Variants in GRIA2 observed in about 807,000 individuals in gnomAD.
The protein encoded by GRIA2 is glutamate receptor 2.
GRIA2 carries 14 observed loss-of-function variants against 97.3 expected under a neutral mutation model. The observed-to-expected ratio is 0.14, with a 90% CI of 0.10 to 0.23. The LOEUF is 0.23. GRIA2 is among the 10% of genes least tolerant of loss of function. The pLI is 1.00. For missense variants in GRIA2, 558 were observed against 1,069.8 expected, an observed-to-expected ratio of 0.52 and a Z score of 6.67; for synonymous variants, 412 against 387.8, an observed-to-expected ratio of 1.06 and a Z score of -0.73.
chr4:157,324,008 G>T (rs1734699819), intron 6 of GRIA2, among the ~76,000 whole-genome samples: 1 of 152,128 alleles, frequency 6.6e-6, no homozygotes, highest in Non-Finnish European at 1.5e-5. Context: ...CTGGGTCCAG[G>T]ATTCTCATCT....
chr4:157,353,318 C>T (rs980985731), intron 12 of GRIA2, among the ~76,000 whole-genome samples: 3 of 151,670 alleles, frequency 2.0e-5, no homozygotes, highest in African/African-American at 4.8e-5. Flanking sequence ...CGCCATTGCA[C>T]TCCAGTCTGG....
intron 4 of GRIA2, among the ~76,000 whole-genome samples, chr4:157,314,129 T>C (rs750426694): frequency 1.3e-5 from 2 of 152,022 alleles, no homozygotes; most frequent in African/African-American, 2.4e-5. Context: ...TTCACACAGT[T>C]CAAACCCATG....
rs1553957061 is a variant in GRIA2 at position 157,337,996 on chromosome 4, G to GTA, written c.1844+1257_1844+1258dup. 4.5e-3 allele frequency among the ~76,000 whole-genome samples: 570 copies of GTA among 126,076 alleles called. 4 individuals carry two copies. Among genetic ancestry groups the GTA allele is most frequent in the Non-Finnish European group, 6.5e-3 (395 of 61,098 alleles). The allele number at this position is 126,076 out of a possible 152,430, so 82.7% of individuals were successfully genotyped here. A position where few individuals can be genotyped will look rare whatever the true frequency, so the allele number is the denominator to read the frequency against. ...AATTTGCACAGCATGACATATGTGT[G>GTA]TATATATATGTGTATATATATATAT... On this transcript the variant is annotated intron_variant, in intron 11 of 15. Coordinates refer to ENST00000264426, the MANE Select transcript of GRIA2 (RefSeq NM_001083619.3).
chr4:157,268,153 T>G (rs1194978230), intron 2 of GRIA2, among the ~76,000 whole-genome samples: 1 of 152,052 alleles, frequency 6.6e-6, no homozygotes, highest in Non-Finnish European at 1.5e-5. Flanking sequence ...AGACAGGTCT[T>G]TAATAGTATT....
chr4:157,253,952 C>T (rs1039044122), intron 2 of GRIA2, among the ~76,000 whole-genome samples: 1 of 151,050 alleles, frequency 6.6e-6, no homozygotes, highest in African/African-American at 2.4e-5. Flanking sequence ...AAATCTTTTT[C>T]GTCAAAGAGT....
At chr4:157,239,425 C>G (rs1730398353) in intron 2 of GRIA2, among the ~76,000 whole-genome samples, 1 of 151,926 alleles carries the variant, frequency 6.6e-6, no homozygotes, top group African/African-American at 2.4e-5. Context: ...AAAATTTCCA[C>G]TAACAGAGGA....
intron 6 of GRIA2, 101 bp from the exon 7 acceptor site, chr4:157,332,718 A>C (rs904661705): frequency 2.1e-5 from 15 of 730,588 alleles, no homozygotes; most frequent in Non-Finnish European, 3.4e-5. Context: ...TTGGACTTTT[A>C]AATGGTATTG....
At chr4:157,331,210 G>C (rs950490802) in intron 6 of GRIA2, among the ~76,000 whole-genome samples, 1 of 152,052 alleles carries the variant, frequency 6.6e-6, no homozygotes, top group East Asian at 1.9e-4. Flanking sequence ...CTCTTAATGT[G>C]TGCATGCTCT....
At chr4:157,342,547 T>C (rs1346401894) in intron 12 of GRIA2, 2 of 486,412 alleles carry the variant, frequency 4.1e-6, no homozygotes, top group African/African-American at 2.1e-5. Context: ...TTAGAATGAA[T>C]CTTGTAATGT....
chr4:157,361,703 A>T lies in GRIA2; in HGVS notation c.2406+579A>T. 1 of 1,267,094 alleles carries T rather than the reference A, an allele frequency of 7.9e-7. No individual in the cohort carries two copies. The highest frequency in any genetic ancestry group is 1.2e-6 in the Non-Finnish European group (1 of 866,830). The allele number at this position is 1,267,094 out of a possible 1,614,324, so 78.5% of individuals were successfully genotyped here. ...AAAAACAAAATCAAACACAAACAGC[A>T]AAATCAAACCACAAGTGTGTTAGTG... On this transcript the variant is annotated intron_variant, in intron 14 of 15. Coordinates refer to ENST00000264426, the MANE Select transcript of GRIA2 (RefSeq NM_001083619.3). The surrounding 1 kb of genome is among the most constrained non-coding windows in gnomAD (Gnocchi z 5.2).
intron 11 of GRIA2, among the ~76,000 whole-genome samples, chr4:157,337,188 T>G (rs1735323695): frequency 6.6e-6 from 1 of 152,090 alleles, no homozygotes; most frequent in Admixed American, 6.6e-5. Flanking sequence ...TTTCCCATCA[T>G]TAGTTCATGG....
chr4:157,268,391 T>A lies in GRIA2; in HGVS notation c.230-35161T>A, dbSNP rs117931486. On this transcript the variant is annotated intron_variant, in intron 2 of 15. Transcript: ENST00000264426. ...TAGAATATTAGTTCTGTGGCTTACC[T>A]AAATGTGTGTCCTTGAGCAAATTAT... Among the ~76,000 whole-genome samples the A allele has an allele frequency of 2.2e-4, 34 of 152,182 alleles. No individual in the cohort carries two copies. The East Asian group carries it at 5.8e-3, about 26-fold the overall frequency.
chr4:157,283,903 G>T (rs943631770), intron 2 of GRIA2, among the ~76,000 whole-genome samples: 1 of 151,888 alleles, frequency 6.6e-6, no homozygotes, highest in Non-Finnish European at 1.5e-5. Context: ...CAAAGGTAAA[G>T]GTTTAGAGTT....
chr4:157,308,463 T>G (rs774516080), intron 3 of GRIA2, among the ~76,000 whole-genome samples: 8 of 149,546 alleles, frequency 5.3e-5, no homozygotes, highest in Non-Finnish European at 1.2e-4. Context: ...AAGAACATAC[T>G]ATATTTTAAA....
intron 13 of GRIA2, chr4:157,360,568 A>G: frequency 5.0e-6 from 2 of 400,938 alleles, no homozygotes; most frequent in Non-Finnish European, 4.8e-6. Flanking sequence ...GAAATATGCC[A>G]CTTTTTAATT....
intron 2 of GRIA2, among the ~76,000 whole-genome samples, chr4:157,280,624 C>T (rs1439898949): frequency 2.0e-5 from 3 of 151,858 alleles, no homozygotes; most frequent in East Asian, 1.9e-4. Context: ...GGGTCTCTCT[C>T]GTGTGTGCGT....
chr4:157,345,054 CT>C (rs1274184216), intron 12 of GRIA2, among the ~76,000 whole-genome samples: 2 of 151,866 alleles, frequency 1.3e-5, no homozygotes, highest in African/African-American at 4.8e-5. Flanking sequence ...TGATGTTTTT[CT>C]TTCCGTTAAA....
In GRIA2 at chr4:157,317,734, A is replaced by G. The variant is rs766575367; in HGVS notation, c.720+23A>G. 13 of 943,330 alleles carry G rather than the reference A, an allele frequency of 1.4e-5. No individual in the cohort carries two copies. The South Asian group carries it at 1.5e-4, about 11-fold the overall frequency. The allele number at this position is 943,330 out of a possible 1,614,324, so 58.4% of individuals were successfully genotyped here. ...CTGGTAGGTGAATTAATTGGTATAT[A>G]TTATTTTACTAGATATGCTTATTTA... On this transcript the variant is annotated intron_variant, in intron 5 of 15. Transcript: ENST00000264426.
chr4:157,350,230 T>C (rs772759334), intron 12 of GRIA2, among the ~76,000 whole-genome samples: 21 of 152,150 alleles, frequency 1.4e-4, no homozygotes, highest in Admixed American at 1.3e-4. Context: ...ATCATCTCTT[T>C]CATAACTTTT....
Sources: allele counts gnomAD v4.1 joint callset (sites outside exome capture counted in the v4.1 genomes callset), GRCh38; gene constraint gnomAD v4.1.1; non-coding constraint Gnocchi (gnomAD v3.1); transcripts MANE v1.5; gene names NCBI Gene and HGNC (gene_info 2026-07-23, HGNC 2026-07-21).